LPCAT4: variants seen among roughly 807,000 people sequenced by gnomAD.
LPCAT4 encodes lysophosphatidylcholine acyltransferase 4, also known as lysophospholipid acyltransferase LPCAT4.
In LPCAT4, 30 loss-of-function variants were observed where a neutral mutation model predicts 66.5. The observed-to-expected ratio is 0.45, with a 90% CI of 0.34 to 0.61. LPCAT4 has a LOEUF of 0.61. LPCAT4 is among the 20% of genes least tolerant of loss of function. LPCAT4 has a pLI of 0.01. For missense variants in LPCAT4, 557 were observed against 656.7 expected (o/e 0.85, Z 1.66); for synonymous variants, 253 against 262.1 (o/e 0.97, Z 0.34).
chr15:34,362,020 C>A (rs906945822), intron 10 of LPCAT4, among the ~76,000 whole-genome samples, 176 bp downstream of exon 10: 3 of 152,234 alleles, frequency 2.0e-5, no homozygotes, highest in South Asian at 2.1e-4. Context: ...TTTTCACCTG[C>A]ATTATTACAT....
intron 3 of LPCAT4, 174 bp downstream of exon 3, chr15:34,364,834 C>T (rs1405421663): frequency 2.1e-5 from 13 of 610,810 alleles, no homozygotes; most frequent in Non-Finnish European, 3.2e-5. Flanking sequence ...AACACCTTCT[C>T]TCTGTCCCAG....
In LPCAT4 at chr15:34,363,991, C is replaced by A. The variant is rs1388924799; in HGVS notation, c.652+22G>T. On this transcript the variant is annotated intron_variant, in intron 5 of 13. Coordinates refer to ENST00000314891, the MANE Select transcript of LPCAT4 (RefSeq NM_153613.3). The surrounding 1 kb of genome is among the most constrained non-coding windows in gnomAD (Gnocchi z 4.3). ...GGAACTTCTTTTTCCTACAGCCCAC[C>A]ACCCACTATCATTTTATTCACCTGG... is the stretch of plus-strand genomic sequence containing the variant. 1.2e-6 allele frequency: 2 copies of A among 1,606,380 alleles called. No individual in the cohort carries two copies. The highest frequency in any genetic ancestry group is 2.2e-5 in the East Asian group (1 of 44,634).
intron 1 of LPCAT4, among the ~76,000 whole-genome samples, chr15:34,366,158 G>C (rs1194917403): frequency 6.6e-6 from 1 of 152,176 alleles, no homozygotes; most frequent in African/African-American, 2.4e-5. Flanking sequence ...GCTGTAAACA[G>C]CCAGAGGTCC....
rs527250270 is a variant in LPCAT4 at position 34,361,804 on chromosome 15, A to G, written c.1011-272T>C. Among the ~76,000 whole-genome samples the G allele has an allele frequency of 2.2e-3, 340 of 152,180 alleles. 1 individual carries two copies. Among genetic ancestry groups the G allele is most frequent in the African/African-American group, 7.7e-3 (321 of 41,504 alleles). ...AACCTCCACCTCCCAGGTTCAAGCA[A>G]TTCTCCTGCCTCAGCCTCCCAAGTA... On this transcript the variant is annotated intron_variant, in intron 10 of 13. Coordinates refer to ENST00000314891, the MANE Select transcript of LPCAT4 (RefSeq NM_153613.3).
In LPCAT4 at chr15:34,361,486, G is replaced by A; in HGVS notation, c.1057C>T (p.Arg353Ter). The A allele has an allele frequency of 1.2e-6, 2 of 1,614,058 alleles. No homozygotes were observed. The highest frequency in any genetic ancestry group is 1.7e-6 in the Non-Finnish European group (2 of 1,180,030). Reference protein sequence around the residue: ...VDAGAEPGRSRMISQEEFARQ... With the variant: ...VDAGAEPGRS ...GCAAACTCTTCCTGGCTGATCATTC[G>A]ACTCCGGCCTGGCTCTGCCCCAGCG... The change falls in exon 11 of 14, where the codon CGA becomes TGA. Residue 353 changes from arginine to a stop codon, truncating the protein, a stop_gained. Coordinates refer to ENST00000314891, the MANE Select transcript of LPCAT4 (RefSeq NM_153613.3). LOFTEE classifies it high-confidence loss of function.
chr15:34,364,366 C>T lies in LPCAT4; in HGVS notation c.479-60G>A. 3.1e-6 allele frequency: 3 copies of T among 961,116 alleles called. No individual in the cohort carries two copies. In the South Asian group the frequency reaches 4.2e-5, roughly 14 times the overall value. 59.5% of individuals were successfully genotyped at this position (961,116 alleles called of 1,614,324 possible). A position where few individuals can be genotyped will look rare whatever the true frequency, so the allele number is the denominator to read the frequency against. On this transcript the variant is annotated intron_variant, in intron 3 of 13. Coordinates refer to ENST00000314891, the MANE Select transcript of LPCAT4 (RefSeq NM_153613.3). ...CTTTCCTACCCAGGGGCAGTAACAT[C>T]TGCAGCCTCCACTTCCTCAACAGCA... is the stretch of plus-strand genomic sequence containing the variant.
In LPCAT4 at chr15:34,363,031, C is replaced by T. The variant is rs1202764394; in HGVS notation, c.747-195G>A. ...GGGAGACACAAGGAACGGCCAGAAA[C>T]GCGGTAGGGAAAGAGAGCAGAGCTG... is the stretch of plus-strand genomic sequence containing the variant. On this transcript the variant is annotated intron_variant, in intron 7 of 13. Coordinates refer to ENST00000314891, the MANE Select transcript of LPCAT4 (RefSeq NM_153613.3). The surrounding 1 kb of genome is among the most constrained non-coding windows in gnomAD (Gnocchi z 4.3). The T allele has an allele frequency of 2.0e-5, 13 of 640,016 alleles. No homozygotes were observed. Among genetic ancestry groups the T allele is most frequent in the South Asian group, 7.2e-5 (4 of 55,500 alleles). The allele number at this position is 640,016 out of a possible 1,614,324, so 39.6% of individuals were successfully genotyped here.
chr15:34,362,553 AT>A lies in LPCAT4; in HGVS notation c.884+19del. On this transcript the variant is annotated intron_variant, in intron 9 of 13. Transcript: ENST00000314891. Reference sequence around the variant, plus strand: ...TTGCCCTGTGCAACTGCTCCAGGAAATAGTTTGTGGGGCACTCACTGTGCCA... The same window carrying A: ...TTGCCCTGTGCAACTGCTCCAGGAAAAGTTTGTGGGGCACTCACTGTGCCA... The A allele has an allele frequency of 6.5e-7, 1 of 1,533,456 alleles. No homozygotes were observed. The highest frequency in any genetic ancestry group is 1.3e-5 in the South Asian group (1 of 77,796). 95.0% of individuals were successfully genotyped at this position (1,533,456 alleles called of 1,614,324 possible).
Position 34,359,311 on chromosome 15 carries a change from A to C in LPCAT4, c.1400-9T>G. On this transcript the variant is annotated splice_polypyrimidine_tract_variant and intron_variant, in intron 13 of 13. Coordinates refer to ENST00000314891, the MANE Select transcript of LPCAT4 (RefSeq NM_153613.3). The stretch of plus-strand genomic sequence containing the variant: ...GAAGTTCTGGAACTGACCTGGACAA[A>C]TAAGAGATGGGGAAAAGTGAAAAGA... The C allele has an allele frequency of 6.7e-7, 1 of 1,485,982 alleles. No individual in the cohort carries two copies. The highest frequency in any genetic ancestry group is 8.9e-7 in the Non-Finnish European group (1 of 1,119,108). The allele number at this position is 1,485,982 out of a possible 1,614,324, so 92.0% of individuals were successfully genotyped here.
At position 34,361,427 on chromosome 15, in the gene LPCAT4, C is replaced by T. The variant is rs781601262; in HGVS notation, c.1116G>A (p.Val372=). ...GCTGGAAGTAGCCAAAGGCACCAGCCACCGTCTGAGGATCAGAGAGCTGTA... is the reference window on the plus strand; with the variant it reads ...GCTGGAAGTAGCCAAAGGCACCAGCTACCGTCTGAGGATCAGAGAGCTGTA... ...RQLQLSDPQT[V]AGAFGYFQQD... Residue 372 remains valine (V), a synonymous_variant, in exon 11 of 14, where the codon GTG becomes GTA. Transcript: ENST00000314891. 2 of 1,614,222 alleles carry T rather than the reference C, an allele frequency of 1.2e-6. No individual in the cohort carries two copies. Among genetic ancestry groups the T allele is most frequent in the African/African-American group, 1.3e-5 (1 of 75,062 alleles).
chr15:34,359,806 C>A, intron 12 of LPCAT4, 61 bp from the exon 13 acceptor site: 1 of 1,518,062 alleles, frequency 6.6e-7, no homozygotes. Context: ...CACCCTGCCC[C>A]ACAGACTGGC....
chr15:34,366,912 A>C (rs1595623707), intron 1 of LPCAT4, 75 bp downstream of exon 1: 8 of 1,525,024 alleles, frequency 5.2e-6, no homozygotes, highest in South Asian at 1.2e-5. Flanking sequence ...CCCCAAGCCC[A>C]CCTTTGCCAG....
At position 34,363,565 on chromosome 15, in the gene LPCAT4, A is replaced by G. The variant is rs998409308; in HGVS notation, c.711+96T>C. On this transcript the variant is annotated intron_variant, in intron 6 of 13. Transcript: ENST00000314891. The surrounding 1 kb of genome is among the most constrained non-coding windows in gnomAD (Gnocchi z 4.3). ...ATCCCACCTCTGGTCACAGCCCCCA[A>G]TGCACATCCCATTAAAGCACCAACA... 39 of 1,594,592 alleles carry G rather than the reference A, an allele frequency of 2.4e-5. No homozygotes were observed. Among genetic ancestry groups the G allele is most frequent in the Admixed American group, 5.0e-5 (3 of 59,870 alleles).
Position 34,367,118 on chromosome 15 carries a change from G to A in LPCAT4, c.-18C>T. 6.5e-7 allele frequency: 1 copy of A among 1,528,016 alleles called. No individual in the cohort carries two copies. The highest frequency in any genetic ancestry group is 8.8e-7 in the Non-Finnish European group (1 of 1,136,384). 94.7% of individuals were successfully genotyped at this position (1,528,016 alleles called of 1,614,324 possible). Reference sequence around the variant, plus strand: ...TGGCTCATGGCGGGAGAAGGTGGGAGGGAGGGCACCCCGGCCCTGGCCCCG... The same window carrying A: ...TGGCTCATGGCGGGAGAAGGTGGGAAGGAGGGCACCCCGGCCCTGGCCCCG... On this transcript the variant is annotated 5_prime_UTR_variant, in exon 1 of 14. Coordinates refer to ENST00000314891, the MANE Select transcript of LPCAT4 (RefSeq NM_153613.3).
chr15:34,362,580 T>C lies in LPCAT4; in HGVS notation c.877A>G (p.Met293Val), dbSNP rs1890972807. ...TLYANNVQRV[M>V]AQALGIPATE... ...AGTTTGTGGGGCACTCACTGTGCCA[T>C]GACCCTCTGAACATTGTTGGCATAG... is the stretch of plus-strand genomic sequence containing the variant. The change falls in exon 9 of 14, where the codon ATG (methionine) becomes GTG (valine). Residue 293 changes from methionine to valine, a missense_variant. Physicochemically the swap from Met to Val is conservative, Grantham distance 21. Around this residue, in one of 4 missense-constraint regions of LPCAT4, gnomAD observed 392 missense variants for 473.9 expected, o/e 0.83. Transcript: ENST00000314891. 2 of 1,554,538 alleles carry C rather than the reference T, an allele frequency of 1.3e-6. No individual in the cohort carries two copies. Among genetic ancestry groups the C allele is most frequent in the Non-Finnish European group, 1.7e-6 (2 of 1,149,774 alleles).
At chr15:34,364,160 A>C (rs1243427125) in intron 4 of LPCAT4, 34 bp downstream of exon 4, 4 of 1,594,576 alleles carry the variant, frequency 2.5e-6, no homozygotes, top group African/African-American at 2.7e-5. Context: ...GAGCACATGG[A>C]AAGTGAGAAG....
In LPCAT4 at chr15:34,360,154, T is replaced by G. The variant is rs1051489984; in HGVS notation, c.1199A>C (p.Asp400Ala). The G allele has an allele frequency of 1.6e-5, 26 of 1,609,954 alleles. No homozygotes were observed. The highest frequency in any genetic ancestry group is 2.0e-5 in the Non-Finnish European group (23 of 1,178,490). Residue 400 changes from aspartate (D) to alanine (A), a missense_variant, in exon 12 of 14, where the codon GAT becomes GCT. By Grantham distance (126) the Asp-to-Ala change is moderately radical. Coordinates refer to ENST00000314891, the MANE Select transcript of LPCAT4 (RefSeq NM_153613.3). ...TAGCTCTTCCAGGCTCCTGCCCCCA[T>G]CCAGAGCTGCTAGTGCAAGGGCCAC... ...RDVALALAAL[D>A]GGRSLEELTR...
intron 12 of LPCAT4, 179 bp downstream of exon 12, chr15:34,359,932 T>C (rs1890902402): frequency 5.0e-6 from 4 of 807,380 alleles, no homozygotes; most frequent in Non-Finnish European, 7.9e-6. Context: ...CTTCTTCTTG[T>C]GCCCAGCTAG....
At position 34,363,700 on chromosome 15, in the gene LPCAT4, C is replaced by T; in HGVS notation, c.672G>A (p.Val224=). ...KFKPGAFIAG[V]PVQPVLIRYP... ...AGCGGATGAGGACAGGCTGCACAGG[C>T]ACCCCTGCGATGAAGGCTCCTAAAT... The change falls in exon 6 of 14, where the codon GTG becomes GTA. Residue 224 remains valine, a synonymous_variant. Coordinates refer to ENST00000314891, the MANE Select transcript of LPCAT4 (RefSeq NM_153613.3). The surrounding 1 kb of genome is among the most constrained non-coding windows in gnomAD (Gnocchi z 4.3). The T allele has an allele frequency of 1.2e-6, 2 of 1,614,162 alleles. No homozygotes were observed. Among genetic ancestry groups the T allele is most frequent in the Non-Finnish European group, 8.5e-7 (1 of 1,180,030 alleles).
Sources: allele counts gnomAD v4.1 joint callset (sites outside exome capture counted in the v4.1 genomes callset), GRCh38; gene constraint gnomAD v4.1.1; regional missense constraint gnomAD v4.1.1; non-coding constraint Gnocchi (gnomAD v3.1); transcripts MANE v1.5; gene names NCBI Gene and HGNC (gene_info 2026-07-23, HGNC 2026-07-21).